WDPCP: variants seen among roughly 807,000 people sequenced by gnomAD.
WDPCP encodes WD repeat containing planar cell polarity effector.
A neutral mutation model predicts 93.1 loss-of-function variants in WDPCP; 71 were observed. That is an observed-to-expected ratio of 0.76 (90% CI 0.63 to 0.93). WDPCP has a LOEUF of 0.93. Among genes scored for constraint, WDPCP ranks in the 40% least tolerant of loss-of-function variants. WDPCP has a pLI of 0.00. For synonymous variants in WDPCP, 315 were observed against 315.0 expected (o/e 1.00, Z 0.00); for missense variants, 844 against 887.4 (o/e 0.95, Z 0.62).
chr2:63,424,463 C>T (rs1051514054), intron 9 of WDPCP, among the ~76,000 whole-genome samples: 8 of 152,152 alleles, frequency 5.3e-5, no homozygotes, highest in African/African-American at 1.9e-4. Flanking sequence ...CAAGGCCCCG[C>T]TTGGCCACTC....
At chr2:63,589,152 C>T (rs1709091511), upstream of WDPCP, 4 of 1,612,474 alleles carry the variant, frequency 2.5e-6, no homozygotes, top group African/African-American at 1.3e-5. Flanking sequence ...AGGCACTGTC[C>T]TTCGCGCCCT....
chr2:63,226,030 A>G (rs1238725918), intron 14 of WDPCP, among the ~76,000 whole-genome samples: 1 of 151,894 alleles, frequency 6.6e-6, no homozygotes, highest in Non-Finnish European at 1.5e-5. Context: ...TATATTCACT[A>G]TAATAGAAAC....
intron 2 of WDPCP, among the ~76,000 whole-genome samples, chr2:63,653,726 C>A (rs1254130471): frequency 6.6e-6 from 1 of 152,062 alleles, no homozygotes; most frequent in East Asian, 1.9e-4. Flanking sequence ...GCCGGGCCAA[C>A]AGGGCGAAAC....
chr2:63,648,853 T>C (rs58127300), intron 3 of WDPCP, among the ~76,000 whole-genome samples: 1,974 of 152,262 alleles, frequency 0.013, 51 homozygotes, highest in African/African-American at 0.045. Context: ...CAATCAAAGA[T>C]CAACTTAGTG....
chr2:63,145,409 T>C (rs1671423134), intron 17 of WDPCP, among the ~76,000 whole-genome samples: 1 of 152,056 alleles, frequency 6.6e-6, no homozygotes, highest in Non-Finnish European at 1.5e-5. Flanking sequence ...GAGCTCAGAC[T>C]CTCCTTGGGC....
intron 9 of WDPCP, among the ~76,000 whole-genome samples, chr2:63,421,938 A>G (rs1315112195): frequency 6.6e-6 from 1 of 152,192 alleles, no homozygotes; most frequent in Non-Finnish European, 1.5e-5. Flanking sequence ...TATAAATGTA[A>G]TACAGAAGAG....
intron 3 of WDPCP, chr2:63,622,951 G>C: frequency 1.2e-6 from 1 of 844,628 alleles, no homozygotes; most frequent in East Asian, 2.7e-5. Context: ...TCGTAGCTCA[G>C]TCACCACCGC....
chr2:63,580,601 T>A (rs370685711), intron 1 of WDPCP, among the ~76,000 whole-genome samples: 1 of 152,140 alleles, frequency 6.6e-6, no homozygotes, highest in South Asian at 2.1e-4. Flanking sequence ...AACTAGCCTA[T>A]ACTCTTCAGA....
intron 3 of WDPCP, among the ~76,000 whole-genome samples, chr2:63,618,017 T>C (rs1185641099): frequency 6.6e-6 from 1 of 152,234 alleles, no homozygotes; most frequent in Admixed American, 6.5e-5. Context: ...ATCTGTACTG[T>C]TTGTTTTCTC....
chr2:63,573,274 G>C (rs1305561328), intron 1 of WDPCP, among the ~76,000 whole-genome samples: 2 of 151,972 alleles, frequency 1.3e-5, no homozygotes, highest in Non-Finnish European at 2.9e-5. Flanking sequence ...TTCGTTGCTG[G>C]ATTCCTTTAT....
At chr2:63,727,308 T>C (rs1357504738) in intron 2 of WDPCP, among the ~76,000 whole-genome samples, 1 of 152,202 alleles carries the variant, frequency 6.6e-6, no homozygotes, top group Admixed American at 6.5e-5. Context: ...GATAATCATG[T>C]AGTTTTTGTT....
chr2:63,792,308 T>C (rs1195896956), intron 2 of WDPCP, among the ~76,000 whole-genome samples: 2 of 152,112 alleles, frequency 1.3e-5, no homozygotes, highest in Admixed American at 6.6e-5. Flanking sequence ...AGAGAGGGCA[T>C]GTGAAGGAGG....
intron 12 of WDPCP, among the ~76,000 whole-genome samples, chr2:63,326,033 G>A (rs1213789572): frequency 6.6e-6 from 1 of 152,208 alleles, no homozygotes; most frequent in Non-Finnish European, 1.5e-5. Flanking sequence ...CTGTCTTAGT[G>A]TCAGAGGCTA....
chr2:63,313,886 A>ATGTGTGTGTGTATATATATATATATT lies in WDPCP; in HGVS notation c.1749-576_1749-575insAATATATATATATATACACACACACA. Among the ~76,000 whole-genome samples the ATGTGTGTGTGTATATATATATATATT allele has an allele frequency of 2.6e-4, 19 of 74,472 alleles. 4 individuals carry two copies. The highest frequency in any genetic ancestry group is 3.3e-4 in the Admixed American group (2 of 6,004). 48.9% of individuals were successfully genotyped at this position (74,472 alleles called of 152,430 possible). On this transcript the variant is annotated intron_variant, in intron 12 of 17. Coordinates refer to ENST00000272321, the MANE Select transcript of WDPCP (RefSeq NM_015910.7). ...TATATATATATATATATATATATAT[A>ATGTGTGTGTGTATATATATATATATT]TTTTTTTTTTTTTGGAGATGGAGTC...
intron 13 of WDPCP, among the ~76,000 whole-genome samples, chr2:63,295,880 C>CAAAAAAAAAAAAAAAA (rs59418675): frequency 8.7e-6 from 1 of 115,252 alleles, no homozygotes; most frequent in Non-Finnish European, 1.8e-5. Flanking sequence ...GAAACTATTC[C>CAAAAAAAAAAAAAAAA]AAAAAAAAAA....
intron 14 of WDPCP, among the ~76,000 whole-genome samples, chr2:63,215,404 G>A (rs1029132580): frequency 1.6e-4 from 25 of 152,060 alleles, no homozygotes; most frequent in African/African-American, 2.7e-4. Context: ...AAATAATACC[G>A]CATATCTGCA....
intron 2 of WDPCP, among the ~76,000 whole-genome samples, chr2:63,697,262 G>T (rs1282526046): frequency 2.0e-5 from 3 of 152,110 alleles, no homozygotes; most frequent in Non-Finnish European, 2.9e-5. Flanking sequence ...TTGTGAAGTA[G>T]GAGCCATTAT....
chr2:63,403,405 G>A (rs1435549287), intron 10 of WDPCP, among the ~76,000 whole-genome samples: 1 of 146,918 alleles, frequency 6.8e-6, no homozygotes, highest in Non-Finnish European at 1.5e-5. Flanking sequence ...ACCTGCATGT[G>A]TACCCACAAA....
intron 1 of WDPCP, among the ~76,000 whole-genome samples, chr2:63,514,617 T>C (rs1702438677): frequency 6.6e-6 from 1 of 152,134 alleles, no homozygotes; most frequent in African/African-American, 2.4e-5. Context: ...CTGCCCACAG[T>C]TAGCATTTAT....
Sources: gnomAD v4.1 joint callset for allele counts (sites outside exome capture counted in the v4.1 genomes callset) on GRCh38, gnomAD v4.1.1 for gene constraint, MANE v1.5 for transcripts, NCBI Gene and HGNC (gene_info 2026-07-23, HGNC 2026-07-21) for gene names.